TENM3: variants seen among roughly 807,000 people sequenced by gnomAD.
TENM3 encodes the protein teneurin-3.
A neutral mutation model predicts 255.1 loss-of-function variants in TENM3; 63 were observed. That is an observed-to-expected ratio of 0.25 (90% CI 0.20 to 0.30). The LOEUF is 0.30. Ranked by LOEUF, TENM3 falls within the 10% of genes least tolerant of loss-of-function variation. TENM3 has a pLI of 1.00. For missense variants in TENM3, 2,929 were observed against 3,461.1 expected (o/e 0.85, Z 3.86); for synonymous variants, 1,306 against 1,322.3 (o/e 0.99, Z 0.27).
chr4:182,625,774 G>T (rs1388460484), intron 4 of TENM3, among the ~76,000 whole-genome samples: 1 of 152,108 alleles, frequency 6.6e-6, no homozygotes, highest in Non-Finnish European at 1.5e-5. Flanking sequence ...CACCCTTTAG[G>T]CTGCCTTTTA....
intron 11 of TENM3, among the ~76,000 whole-genome samples, chr4:182,684,906 T>TAAAATTTAGC (rs1253320462): frequency 6.6e-6 from 1 of 152,164 alleles, no homozygotes; most frequent in African/African-American, 2.4e-5. Context: ...TAGCAAGAAG[T>TAAAATTTAGC]AAAAAGGCTA....
intron 11 of TENM3, among the ~76,000 whole-genome samples, chr4:182,682,652 A>T (rs1176065478): frequency 6.6e-6 from 1 of 152,174 alleles, no homozygotes; most frequent in Non-Finnish European, 1.5e-5. Context: ...TTTGACCTTG[A>T]ACTATCATCA....
intron 5 of TENM3, among the ~76,000 whole-genome samples, chr4:182,640,216 A>C (rs946578658): frequency 3.3e-5 from 5 of 152,228 alleles, no homozygotes; most frequent in Admixed American, 1.3e-4. Flanking sequence ...AATCACTTAA[A>C]AAAGAAGTAT....
At chr4:182,608,399 C>A (rs944034975) in intron 4 of TENM3, among the ~76,000 whole-genome samples, 3 of 152,178 alleles carry the variant, frequency 2.0e-5, no homozygotes, top group Admixed American at 2.0e-4. Flanking sequence ...GCATGGACTA[C>A]AGGTGTGGCA....
the TENM3 span, among the ~76,000 whole-genome samples, chr4:181,797,237 C>A: frequency 1.3e-5 from 2 of 151,426 alleles, no homozygotes; most frequent in African/African-American, 2.4e-5. Context: ...CTACTGATAA[C>A]GTGACCTCTT....
intron 3 of TENM3, among the ~76,000 whole-genome samples, chr4:182,577,098 C>T (rs1314388531): frequency 2.6e-5 from 4 of 152,150 alleles, no homozygotes; most frequent in Admixed American, 1.3e-4. Context: ...GTCCTGAAGG[C>T]TTCTCTGTTT....
chr4:181,721,044 C>A, the TENM3 span, among the ~76,000 whole-genome samples: 1 of 151,340 alleles, frequency 6.6e-6, no homozygotes, highest in Non-Finnish European at 1.5e-5. Context: ...TCAGGGACAG[C>A]GTCTCTGATG....
chr4:181,476,216 T>TG, the TENM3 span, among the ~76,000 whole-genome samples: 16 of 151,100 alleles, frequency 1.1e-4, no homozygotes, highest in African/African-American at 2.7e-4. Flanking sequence ...GTTTTTTTTT[T>TG]TTTTTTTTGA....
chr4:181,985,926 C>T, the TENM3 span, among the ~76,000 whole-genome samples: 210 of 151,946 alleles, frequency 1.4e-3, 1 homozygote, highest in Non-Finnish European at 1.5e-3. Context: ...CCCTTTTTCC[C>T]CTCTTTCATA....
the TENM3 span, among the ~76,000 whole-genome samples, chr4:182,031,994 G>A: frequency 2.0e-5 from 3 of 152,158 alleles, no homozygotes; most frequent in African/African-American, 7.2e-5. Flanking sequence ...CATGTCATCT[G>A]CAAACAGACA....
At chr4:182,225,639 T>C (rs1408455291) in intron 1 of TENM3, among the ~76,000 whole-genome samples, 1 of 152,008 alleles carries the variant, frequency 6.6e-6, no homozygotes. Context: ...TTGAGGTTCG[T>C]TGAGGGAAAG....
At chr4:181,596,593 T>C in the TENM3 span, among the ~76,000 whole-genome samples, 1 of 152,104 alleles carries the variant, frequency 6.6e-6, no homozygotes, top group Non-Finnish European at 1.5e-5. Flanking sequence ...ACCTCTTTAT[T>C]TGTAGCTAAA....
At chr4:182,344,173 A>G (rs190735068) in intron 2 of TENM3, among the ~76,000 whole-genome samples, 1 of 152,300 alleles carries the variant, frequency 6.6e-6, no homozygotes, top group Admixed American at 6.5e-5. Context: ...TGAAAGATGA[A>G]AAAATAGAGT....
At chr4:182,092,525 A>G in the TENM3 span, among the ~76,000 whole-genome samples, 3 of 151,936 alleles carry the variant, frequency 2.0e-5, no homozygotes, top group Non-Finnish European at 2.9e-5. Context: ...GCATGCACCT[A>G]TTGTTCCAGC....
At chr4:181,577,587 C>A in the TENM3 span, among the ~76,000 whole-genome samples, 1 of 152,152 alleles carries the variant, frequency 6.6e-6, no homozygotes, top group Non-Finnish European at 1.5e-5. Flanking sequence ...CTTCTTGAAA[C>A]TTGTCTCCAT....
At chr4:182,441,434 C>T (rs141028351) in intron 3 of TENM3, among the ~76,000 whole-genome samples, 28 of 152,304 alleles carry the variant, frequency 1.8e-4, no homozygotes, top group African/African-American at 6.5e-4. Context: ...AATCTGGATT[C>T]TTCATTTCCA....
intron 1 of TENM3, among the ~76,000 whole-genome samples, chr4:182,299,807 G>GC (rs1761739500): frequency 6.6e-6 from 1 of 151,994 alleles, no homozygotes; most frequent in African/African-American, 2.4e-5. Flanking sequence ...GAAAATCCAG[G>GC]CCCCAGTGTG....
intron 1 of TENM3, among the ~76,000 whole-genome samples, chr4:182,201,397 C>A (rs1451899388): frequency 4.6e-5 from 7 of 152,120 alleles, no homozygotes; most frequent in Admixed American, 4.6e-4. Flanking sequence ...AAAACAGACA[C>A]ATTTTCGATT....
At chr4:182,573,604 G>A (rs12647705) in intron 3 of TENM3, among the ~76,000 whole-genome samples, 95,915 of 152,022 alleles carry the variant, frequency 0.63, 32,882 homozygotes, top group Non-Finnish European at 0.77. Context: ...CAGATTGAAC[G>A]AATGCCACAA....
Sources: allele counts gnomAD v4.1 joint callset (sites outside exome capture counted in the v4.1 genomes callset), GRCh38; gene constraint gnomAD v4.1.1; transcripts MANE v1.5; gene names NCBI Gene and HGNC (gene_info 2026-07-23, HGNC 2026-07-21).